The following CACNA1C variants were observed in gnomAD, a reference collection of about 807,000 sequenced individuals.
CACNA1C encodes voltage-dependent L-type calcium channel subunit alpha-1C.
Under a neutral mutation model 229.0 loss-of-function variants are expected in CACNA1C, and 30 were observed. That is an observed-to-expected ratio of 0.13 (90% CI 0.10 to 0.18). The LOEUF (loss-of-function observed/expected upper bound fraction) is 0.18, where lower values mean the gene tolerates loss of function less well. Ranked by LOEUF, CACNA1C falls within the 10% of genes least tolerant of loss-of-function variation. The pLI is 1.00. For synonymous variants in CACNA1C, 1,114 were observed against 1,132.5 expected (o/e 0.98, Z 0.33); for missense variants, 1,658 against 2,845.0 (o/e 0.58, Z 9.49).
intron 3 of CACNA1C, among the ~76,000 whole-genome samples, chr12:2,276,343 C>T (rs145630533): frequency 2.2e-4 from 33 of 152,250 alleles, no homozygotes; most frequent in African/African-American, 3.4e-4. Context: ...CATTTCCTCC[C>T]TAGAATTTCT....
At chr12:2,105,574 C>T (rs926175215) in intron 1 of CACNA1C, among the ~76,000 whole-genome samples, 8 of 150,942 alleles carry the variant, frequency 5.3e-5, no homozygotes, top group Admixed American at 6.6e-5. Context: ...AACCACTGGG[C>T]GCCCACCCCG....
At chr12:2,572,460 C>CCTT (rs1293267184) in intron 13 of CACNA1C, among the ~76,000 whole-genome samples, 17 of 51,156 alleles carry the variant, frequency 3.3e-4, no homozygotes, top group African/African-American at 1.4e-3. Context: ...TCTTCCTCCT[C>CCTT]CTCCTCTTCC....
intron 3 of CACNA1C, among the ~76,000 whole-genome samples, chr12:2,371,797 G>T (rs910915699): frequency 4.2e-5 from 6 of 141,688 alleles, no homozygotes; most frequent in African/African-American, 1.6e-4. Flanking sequence ...TTAAATCACA[G>T]ACTGGAGGCC....
rs748839115 is a variant in CACNA1C at position 2,275,390 on chromosome 12, G to A, written c.477+154960G>A. Among the ~76,000 whole-genome samples, 27 of 152,104 alleles carry A rather than the reference G, an allele frequency of 1.8e-4. No individual in the cohort carries two copies. The highest frequency in any genetic ancestry group is 3.8e-4 in the Non-Finnish European group (26 of 68,020). ...ACAGTCCTGCTGGCTGTGTCTTCCC[G>A]GAAGGCTCGTGCCCGCACAGATTGT... On this transcript the variant is annotated intron_variant, in intron 3 of 46. Coordinates refer to ENST00000399655, the MANE Select transcript of CACNA1C (RefSeq NM_000719.7). This position sits in a 1 kb window ranked among gnomAD's most constrained non-coding sequence, Gnocchi z 4.1.
intron 3 of CACNA1C, among the ~76,000 whole-genome samples, chr12:2,294,132 G>A (rs966944560): frequency 3.3e-5 from 5 of 152,304 alleles, no homozygotes; most frequent in East Asian, 1.9e-4. Flanking sequence ...ATGAAATATC[G>A]ATTGGTAATA....
At chr12:2,612,071 G>C in intron 29 of CACNA1C, 58 bp downstream of exon 29, 2 of 1,042,768 alleles carry the variant, frequency 1.9e-6, no homozygotes, top group Non-Finnish European at 1.5e-6. Context: ...AGAACGGGGA[G>C]GTGGGGTGCA....
intron 3 of CACNA1C, among the ~76,000 whole-genome samples, chr12:2,132,104 T>C (rs939878326): frequency 7.2e-6 from 1 of 139,770 alleles, no homozygotes; most frequent in African/African-American, 2.8e-5. Context: ...GGCTCTCTGT[T>C]TGTCTGTTGT....
intron 4 of CACNA1C, among the ~76,000 whole-genome samples, chr12:2,456,458 C>T (rs2154564705): frequency 6.6e-6 from 1 of 152,356 alleles, no homozygotes; most frequent in South Asian, 2.1e-4. Context: ...AGGATACCAG[C>T]ACCCGGTGGG....
intron 3 of CACNA1C, among the ~76,000 whole-genome samples, chr12:2,299,933 G>A (rs1208785217): frequency 7.2e-5 from 11 of 152,176 alleles, no homozygotes; most frequent in African/African-American, 1.4e-4. Context: ...GGTAATATGC[G>A]TGTTTGGCAC....
At chr12:2,627,788 T>C (rs1466438915) in intron 29 of CACNA1C, among the ~76,000 whole-genome samples, 1 of 152,032 alleles carries the variant, frequency 6.6e-6, no homozygotes, top group East Asian at 1.9e-4. Context: ...CCTTTTCCAC[T>C]CTCTGTCTCA....
chr12:2,466,318 C>T (rs568074379), intron 5 of CACNA1C, among the ~76,000 whole-genome samples: 1 of 152,306 alleles, frequency 6.6e-6, no homozygotes, highest in South Asian at 2.1e-4. Flanking sequence ...TTTTCTGGCC[C>T]AGTTGGTGCC....
intron 3 of CACNA1C, 130 bp from the exon 4 acceptor site, chr12:2,448,846 T>TC: frequency 2.9e-6 from 2 of 678,478 alleles, no homozygotes; most frequent in Non-Finnish European, 4.8e-6. Flanking sequence ...GGCCTGGGTG[T>TC]CCCCACTTGG....
Position 2,566,464 on chromosome 12 carries a change from C to T in CACNA1C, c.1551C>T (p.Cys517=). 6.3e-7 allele frequency: 1 copy of T among 1,595,076 alleles called. No homozygotes were observed. Among genetic ancestry groups the T allele is most frequent in the Admixed American group, 1.7e-5 (1 of 57,602 alleles). The stretch of plus-strand genomic sequence containing the variant: ...GGAATCGGTTCTGCAGAAGGAAGTG[C>T]CGCGCCGCAGTCAAGTCTAATGTCT... ...RRWNRFCRRK[C]RAAVKSNVFY... is the part of the protein sequence containing the mutation. Residue 517 remains cysteine, a synonymous_variant, in exon 12 of 47, where the codon TGC becomes TGT. Coordinates refer to ENST00000399655, the MANE Select transcript of CACNA1C (RefSeq NM_000719.7). The surrounding 1 kb of genome is among the most constrained non-coding windows in gnomAD (Gnocchi z 4.0).
intron 6 of CACNA1C, among the ~76,000 whole-genome samples, chr12:2,491,903 T>G (rs1202921280): frequency 6.6e-6 from 1 of 152,130 alleles, no homozygotes; most frequent in Non-Finnish European, 1.5e-5. Flanking sequence ...TTGATATATA[T>G]GAAACCAGAA....
At chr12:2,416,926 G>T (rs187448420) in intron 3 of CACNA1C, among the ~76,000 whole-genome samples, 1 of 152,152 alleles carries the variant, frequency 6.6e-6, no homozygotes, top group Non-Finnish European at 1.5e-5. Flanking sequence ...CTCCACATCC[G>T]GAGTGTTCAC....
chr12:2,088,530 G>A (rs767951582), intron 1 of CACNA1C, among the ~76,000 whole-genome samples: 2 of 152,236 alleles, frequency 1.3e-5, no homozygotes, highest in African/African-American at 2.4e-5. Context: ...TGGGGGTGCT[G>A]AGAGGATTAA....
intron 9 of CACNA1C, among the ~76,000 whole-genome samples, chr12:2,518,853 C>T (rs2099803851): frequency 6.6e-6 from 1 of 152,352 alleles, no homozygotes; most frequent in Admixed American, 6.5e-5. Flanking sequence ...CTGGAAGTAG[C>T]TCCTGGGCCT....
chr12:2,018,962 C>A (rs2045905925), intron 1 of CACNA1C, among the ~76,000 whole-genome samples: 1 of 152,146 alleles, frequency 6.6e-6, no homozygotes, highest in African/African-American at 2.4e-5. Context: ...TTAACCCTTC[C>A]CTAAATATTA....
chr12:2,211,619 T>G (rs1187516047), intron 3 of CACNA1C, among the ~76,000 whole-genome samples: 2 of 152,128 alleles, frequency 1.3e-5, no homozygotes, highest in African/African-American at 4.8e-5. Flanking sequence ...TGGCCTTGCT[T>G]GGAGGTTAGG....
Sources: gnomAD v4.1 joint callset for allele counts (sites outside exome capture counted in the v4.1 genomes callset) on GRCh38, gnomAD v4.1.1 for gene constraint, Gnocchi (gnomAD v3.1) non-coding constraint, MANE v1.5 for transcripts, NCBI Gene and HGNC (gene_info 2026-07-23, HGNC 2026-07-21) for gene names.